MYOF: variants seen among roughly 807,000 people sequenced by gnomAD.
MYOF encodes the protein fer-1-like 3, myoferlin.
In MYOF, 244 loss-of-function variants were observed where a neutral mutation model predicts 284.2. The ratio of observed to expected loss-of-function variants is 0.86; its 90% CI spans 0.77 to 0.95. MYOF has a LOEUF of 0.95. Among genes scored for constraint, MYOF ranks in the 40% least tolerant of loss-of-function variants. The pLI, the probability that MYOF is intolerant of heterozygous loss-of-function variation, is 0.00. For missense variants in MYOF, 2,496 were observed against 2,560.6 expected (o/e 0.97, Z 0.54); for synonymous variants, 904 against 919.7 (o/e 0.98, Z 0.31).
rs373807193 is a variant in MYOF at position 93,373,020 on chromosome 10, T to G, written c.2367A>C (p.Ala789=). The G allele has an allele frequency of 3.7e-6, 6 of 1,614,190 alleles. No homozygotes were observed. Among genetic ancestry groups the G allele is most frequent in the Non-Finnish European group, 4.2e-6 (5 of 1,180,014 alleles). The change falls in exon 24 of 54, where the codon GCA becomes GCC. Residue 789 remains alanine (A), a synonymous_variant. Coordinates refer to ENST00000359263, the MANE Select transcript of MYOF (RefSeq NM_013451.4). ...MIRGEKRLAY[A]RIPAHQVLYS... is the part of the protein sequence containing the mutation. ...ACAAGACCTGATGTGCGGGAATTCG[T>G]GCATAGGCCAGTCTCTTCTCTCCCC...
chr10:93,369,607 G>A (rs74432867), intron 25 of MYOF, 38 bp downstream of exon 25: 430 of 1,610,522 alleles, frequency 2.7e-4, no homozygotes, highest in African/African-American at 1.9e-3. Flanking sequence ...CCCCTCCCCC[G>A]ACCAAAGAAG....
intron 3 of MYOF, among the ~76,000 whole-genome samples, chr10:93,449,491 C>G (rs903642557): frequency 6.6e-6 from 1 of 152,120 alleles, no homozygotes; most frequent in African/African-American, 2.4e-5. Context: ...CCTCCCCTTC[C>G]CCAAAACTTT....
intron 25 of MYOF, among the ~76,000 whole-genome samples, chr10:93,368,465 T>C (rs1055005986): frequency 6.6e-6 from 1 of 152,162 alleles, no homozygotes; most frequent in African/African-American, 2.4e-5. Flanking sequence ...CAATAGATTG[T>C]GAGATCCTTG....
At chr10:93,451,463 C>A (rs191032520) in intron 3 of MYOF, among the ~76,000 whole-genome samples, 1 of 152,122 alleles carries the variant, frequency 6.6e-6, no homozygotes, top group African/African-American at 2.4e-5. Context: ...TTCTGTCCCA[C>A]GGGAACCTGT....
chr10:93,329,790 T>A lies in MYOF; in HGVS notation c.4856A>T (p.Lys1619Ile). ...SCYLPQEKDLKISVYDYDTFT... is the reference protein window; with the variant it reads ...SCYLPQEKDLIISVYDYDTFT... The stretch of plus-strand genomic sequence containing the variant: ...GGTGTCATAATCATAGACAGAAATT[T>A]TCAGGTCTTTTTCTTGAGGTAAGTA... The change falls in exon 44 of 54, where the codon AAA becomes ATA. Residue 1619 changes from lysine (K) to isoleucine (I), a missense_variant. Physicochemically the swap from Lys to Ile is moderately radical, Grantham distance 102 (BLOSUM62 -3). Transcript: ENST00000359263. The A allele has an allele frequency of 1.2e-6, 2 of 1,614,214 alleles. No homozygotes were observed. The highest frequency in any genetic ancestry group is 1.7e-6 in the Non-Finnish European group (2 of 1,180,032).
chr10:93,475,875 C>CT (rs769587894), intron 1 of MYOF, among the ~76,000 whole-genome samples: 9 of 152,146 alleles, frequency 5.9e-5, no homozygotes, highest in Non-Finnish European at 1.3e-4. Context: ...GCCATTGTAG[C>CT]TTTATAGATG....
At chr10:93,445,028 T>C (rs1304566100) in intron 3 of MYOF, among the ~76,000 whole-genome samples, 1 of 152,248 alleles carries the variant, frequency 6.6e-6, no homozygotes, top group African/African-American at 2.4e-5. Flanking sequence ...ATAAAAATGC[T>C]TAAAATTTTT....
intron 43 of MYOF, among the ~76,000 whole-genome samples, chr10:93,331,097 A>AT (rs201223987): frequency 1.1e-3 from 173 of 151,824 alleles, no homozygotes; most frequent in African/African-American, 3.8e-3. Flanking sequence ...ACTAAGGAAT[A>AT]TTTTTTTTTC....
chr10:93,453,334 T>C (rs2056647711), intron 2 of MYOF, among the ~76,000 whole-genome samples: 1 of 152,142 alleles, frequency 6.6e-6, no homozygotes, highest in African/African-American at 2.4e-5. Context: ...CCCTGCTAAT[T>C]TGTGTATTTT....
At chr10:93,323,395 T>A (rs775956136) in intron 46 of MYOF, 37 bp from the exon 47 acceptor site, 3 of 1,530,610 alleles carry the variant, frequency 2.0e-6, no homozygotes, top group Admixed American at 1.8e-5. Context: ...ACTGAAGTTA[T>A]ATGATGGGTA....
In MYOF at chr10:93,393,022, C is replaced by T. The variant is rs553710360; in HGVS notation, c.1418-67G>A. The T allele has an allele frequency of 1.5e-4, 213 of 1,422,622 alleles. 4 individuals carry two copies. In the South Asian group the frequency reaches 2.0e-3, roughly 13 times the overall value. 88.1% of individuals were successfully genotyped at this position (1,422,622 alleles called of 1,614,324 possible). The stretch of plus-strand genomic sequence containing the variant: ...GGCATTATAAAACAGACATTGAAAA[C>T]GTTAATCAAATCCAGTGCCAGGTAT... On this transcript the variant is annotated intron_variant, in intron 16 of 53. Transcript: ENST00000359263.
At chr10:93,344,985 G>T (rs1006268514) in intron 37 of MYOF, among the ~76,000 whole-genome samples, 1 of 152,094 alleles carries the variant, frequency 6.6e-6, no homozygotes, top group Non-Finnish European at 1.5e-5. Flanking sequence ...AAGGGGTGGG[G>T]GATACCAAAG....
chr10:93,320,170 G>A (rs999626445), intron 48 of MYOF, among the ~76,000 whole-genome samples, 157 bp from the exon 49 acceptor site: 1 of 152,170 alleles, frequency 6.6e-6, no homozygotes, highest in East Asian at 1.9e-4. Flanking sequence ...ATTTATGGAG[G>A]GGAGGTGCTC....
At chr10:93,397,320 A>C in intron 14 of MYOF, 30 bp from the exon 15 acceptor site, 1 of 1,593,026 alleles carries the variant, frequency 6.3e-7, no homozygotes, top group Non-Finnish European at 8.6e-7. Flanking sequence ...AAAAGTAGTT[A>C]TTTCTCAATG....
intron 7 of MYOF, among the ~76,000 whole-genome samples, chr10:93,407,423 CAAAAAAAA>C (rs144461915): frequency 2.6e-5 from 1 of 38,088 alleles, no homozygotes; most frequent in Non-Finnish European, 4.7e-5. Flanking sequence ...GACTCTGTCT[CAAAAAAAA>C]AAAAAAAAAA....
Position 93,397,235 on chromosome 10 carries a change from T to G in MYOF, c.1334+12A>C. The G allele has an allele frequency of 6.4e-7, 1 of 1,564,534 alleles. No individual in the cohort carries two copies. Among genetic ancestry groups the G allele is most frequent in the South Asian group, 1.1e-5 (1 of 88,162 alleles). On this transcript the variant is annotated intron_variant, in intron 15 of 53. Coordinates refer to ENST00000359263, the MANE Select transcript of MYOF (RefSeq NM_013451.4). ...TTATGTTGAATTAGACACATACGTA[T>G]TTTCAACTCACCAGTCATATATTGT...
intron 41 of MYOF, among the ~76,000 whole-genome samples, chr10:93,335,386 C>T (rs76491830): frequency 0.051 from 7,829 of 152,150 alleles, 306 homozygotes; most frequent in Middle Eastern, 0.082. Context: ...CTGTGAAAAC[C>T]CAAGCAAAGC....
intron 37 of MYOF, among the ~76,000 whole-genome samples, chr10:93,344,845 G>A (rs1844108721): frequency 7.3e-6 from 1 of 136,774 alleles, no homozygotes; most frequent in African/African-American, 2.6e-5. Context: ...ATTCTCAACA[G>A]CGTATGCAGA....
At chr10:93,351,090 G>T in intron 35 of MYOF, 107 bp downstream of exon 35, 1 of 1,222,566 alleles carries the variant, frequency 8.2e-7, no homozygotes, top group East Asian at 2.5e-5. Flanking sequence ...AAGGAAGTTG[G>T]AGATAGCAAG....
Sources: allele counts gnomAD v4.1 joint callset (sites outside exome capture counted in the v4.1 genomes callset), GRCh38; gene constraint gnomAD v4.1.1; transcripts MANE v1.5; gene names NCBI Gene and HGNC (gene_info 2026-07-23, HGNC 2026-07-21).